The following RTTN variants were observed in gnomAD, a reference collection of about 807,000 sequenced individuals.
RTTN encodes rotatin.
RTTN carries 182 observed loss-of-function variants against 269.2 expected under a neutral mutation model. The observed-to-expected ratio is 0.68, with a 90% CI of 0.60 to 0.76. The LOEUF is 0.76. Ranked by LOEUF, RTTN falls within the 30% of genes least tolerant of loss-of-function variation. RTTN has a pLI of 0.00. For synonymous variants in RTTN, 1,006 were observed against 963.5 expected (o/e 1.04, Z -0.82); for missense variants, 2,545 against 2,608.6 (o/e 0.98, Z 0.53).
intron 28 of RTTN, 25 bp from the exon 29 acceptor site, chr18:70,092,829 C>G (rs1397449393): frequency 1.9e-6 from 3 of 1,588,678 alleles, no homozygotes; most frequent in Non-Finnish European, 2.6e-6. Context: ...TAAACAATTT[C>G]ATGGTGGCTT....
At chr18:70,075,628 A>C in intron 32 of RTTN, 87 bp from the exon 33 acceptor site, 1 of 1,079,418 alleles carries the variant, frequency 9.3e-7, no homozygotes, top group Non-Finnish European at 1.3e-6. Context: ...TCGAGGAAAC[A>C]AATGGGTCCC....
intron 43 of RTTN, among the ~76,000 whole-genome samples, chr18:70,027,592 C>T (rs1259994536): frequency 1.3e-5 from 2 of 152,082 alleles, no homozygotes; most frequent in Admixed American, 6.5e-5. Context: ...AATAAGGTGT[C>T]ATGAATGAAT....
At chr18:70,060,582 C>A (rs1054730363) in intron 35 of RTTN, among the ~76,000 whole-genome samples, 4 of 152,134 alleles carry the variant, frequency 2.6e-5, no homozygotes, top group Non-Finnish European at 2.9e-5. Flanking sequence ...TCCATCACCT[C>A]AAACATTTAC....
chr18:70,137,646 C>A (rs1312678939), intron 21 of RTTN, among the ~76,000 whole-genome samples: 2 of 152,122 alleles, frequency 1.3e-5, no homozygotes, highest in African/African-American at 4.8e-5. Flanking sequence ...TACACACAAC[C>A]ACGGCTCCAT....
chr18:70,054,142 T>G lies in RTTN; in HGVS notation c.5174A>C (p.Lys1725Thr), dbSNP rs200883952. 170 of 1,612,582 alleles carry G rather than the reference T, an allele frequency of 1.1e-4. No homozygotes were observed. The highest frequency in any genetic ancestry group is 1.4e-4 in the Non-Finnish European group (166 of 1,178,918). Reference protein sequence around the residue: ...NIIGILTICTKDVLDKELISA... With the variant: ...NIIGILTICTTDVLDKELISA... ...ACAATTAAGCTTACCTAATACATCTTTGGTACATATGGTGAGAATTCCAAT... is the reference window on the plus strand; with the variant it reads ...ACAATTAAGCTTACCTAATACATCTGTGGTACATATGGTGAGAATTCCAAT... The change falls in exon 38 of 49, where the codon AAA becomes ACA. Residue 1725 changes from lysine to threonine, a missense_variant. Transcript: ENST00000640769.
chr18:70,105,730 A>C (rs1390131145), intron 28 of RTTN, among the ~76,000 whole-genome samples: 1 of 152,154 alleles, frequency 6.6e-6, no homozygotes, highest in South Asian at 2.1e-4. Flanking sequence ...TAAAAACAAT[A>C]TGTGCTTTTG....
intron 11 of RTTN, among the ~76,000 whole-genome samples, chr18:70,176,188 GATGTAGATGTAGATGTATATGTAT>G (rs2061289618): frequency 2.2e-5 from 3 of 134,910 alleles, no homozygotes; most frequent in South Asian, 2.5e-4. Context: ...TGTATACGTA[GATGTAGATGTAGATGTATATGTAT>G]ATGTATATGT....
At chr18:70,039,943 T>C (rs539087335) in intron 40 of RTTN, among the ~76,000 whole-genome samples, 55 of 152,174 alleles carry the variant, frequency 3.6e-4, no homozygotes, top group Non-Finnish European at 7.1e-4. Context: ...GCAAGCCTCA[T>C]CATGGTAACC....
In RTTN at chr18:70,127,630, G is replaced by A. The variant is rs200170369; in HGVS notation, c.3255C>T (p.His1085=). 2.5e-6 allele frequency: 4 copies of A among 1,613,392 alleles called. No homozygotes were observed. The highest frequency in any genetic ancestry group is 2.5e-6 in the Non-Finnish European group (3 of 1,179,738). The part of the protein sequence containing the change: ...CLHSIVQAAT[H]REVRAAVTRM... ...TGGTGACAGCAGCCCTAACTTCCCT[G>A]TGGGTTGCAGCCTGAACAATGGAAT... Residue 1085 remains histidine (H), a synonymous_variant, in exon 25 of 49, where the codon CAC becomes CAT. Coordinates refer to ENST00000640769, the MANE Select transcript of RTTN (RefSeq NM_173630.4).
chr18:70,101,690 T>C (rs1463570807), intron 28 of RTTN, among the ~76,000 whole-genome samples: 1 of 152,238 alleles, frequency 6.6e-6, no homozygotes, highest in Non-Finnish European at 1.5e-5. Context: ...TTTAGATCTT[T>C]CCTGCTTTCT....
In RTTN at chr18:70,121,409, A is replaced by G. The variant is rs2059733950; in HGVS notation, c.3528+147T>C. The G allele has an allele frequency of 1.2e-5, 7 of 571,912 alleles. No homozygotes were observed. The South Asian group carries it at 2.0e-4, about 16-fold the overall frequency. The allele number at this position is 571,912 out of a possible 1,614,324, so 35.4% of individuals were successfully genotyped here. On this transcript the variant is annotated intron_variant, in intron 26 of 48. Transcript: ENST00000640769. The stretch of plus-strand genomic sequence containing the variant: ...CATTCACAATCGTATCAGGAAAGCC[A>G]TGTTGTTATGAGCCATTCATTACAT...
chr18:70,185,151 T>TA (rs568050429), intron 10 of RTTN, among the ~76,000 whole-genome samples: 23 of 145,940 alleles, frequency 1.6e-4, no homozygotes, highest in African/African-American at 4.3e-4. Flanking sequence ...TGTATACCCA[T>TA]AAAAAAAAAA....
intron 32 of RTTN, among the ~76,000 whole-genome samples, chr18:70,075,871 T>G (rs952609124): frequency 6.6e-6 from 1 of 152,144 alleles, no homozygotes; most frequent in Non-Finnish European, 1.5e-5. Context: ...AGCAGTATTT[T>G]TCAACCTACA....
At position 70,150,589 on chromosome 18, in the gene RTTN, C is replaced by T. The variant is rs1204483624; in HGVS notation, c.2055+19G>A. The T allele has an allele frequency of 1.2e-6, 2 of 1,608,664 alleles. 1 individual carries two copies. Among genetic ancestry groups the T allele is most frequent in the Non-Finnish European group, 1.7e-6 (2 of 1,175,822 alleles). On this transcript the variant is annotated intron_variant, in intron 15 of 48. Coordinates refer to ENST00000640769, the MANE Select transcript of RTTN (RefSeq NM_173630.4). ...TATCTAAGTTACTGTAATATTTTCA[C>T]TCATGTTTAATGTCATACCTCACTT... is the stretch of plus-strand genomic sequence containing the variant.
Position 70,122,168 on chromosome 18 carries a change from G to C in RTTN, c.3384-468C>G, listed in dbSNP as rs987613865. 4.6e-5 allele frequency among the ~76,000 whole-genome samples: 7 copies of C among 151,964 alleles called. No homozygotes were observed. The East Asian group carries it at 1.4e-3, about 29-fold the overall frequency. On this transcript the variant is annotated intron_variant, in intron 25 of 48. Transcript: ENST00000640769. ...AAGGACGCTACTAGAGTTTGTAACA[G>C]GCAAGGAAAACACTGAAGGTAGACT...
chr18:70,024,776 A>G lies in RTTN; in HGVS notation c.5896T>C (p.Leu1966=), dbSNP rs377700924. 3.3e-5 allele frequency: 54 copies of G among 1,613,902 alleles called. No homozygotes were observed. Among genetic ancestry groups the G allele is most frequent in the Non-Finnish European group, 4.2e-5 (50 of 1,179,890 alleles). ...AGGAGCTGCAGAGAAATTTGCATCA[A>G]TGAATCATCCATCAAAATCCAAGGC... ...LWPWILMDDS[L]MQISLQLLCV... is the part of the protein sequence containing the mutation. Residue 1966 remains leucine (L), a synonymous_variant, in exon 44 of 49, where the codon TTG becomes CTG. Coordinates refer to ENST00000640769, the MANE Select transcript of RTTN (RefSeq NM_173630.4).
At chr18:70,060,298 G>A (rs1441709476) in intron 35 of RTTN, among the ~76,000 whole-genome samples, 4 of 152,114 alleles carry the variant, frequency 2.6e-5, no homozygotes, top group Non-Finnish European at 4.4e-5. Flanking sequence ...AGAAGAGACA[G>A]GTCAGAAAGG....
In RTTN at chr18:70,176,684, A is replaced by G. The variant is rs1175628619; in HGVS notation, c.1467T>C (p.Pro489=). Residue 489 remains proline (P), a synonymous_variant, in exon 11 of 49, where the codon CCT becomes CCC. Coordinates refer to ENST00000640769, the MANE Select transcript of RTTN (RefSeq NM_173630.4). ...FAVRLLQTLL[P]VEKASEFLSE... ...GCATTGCCTGCCTTACCTTTTCAAC[A>G]GGGAGAAGCGTTTGTAGCAGTCGAA... 5.6e-6 allele frequency: 9 copies of G among 1,612,604 alleles called. No homozygotes were observed. The highest frequency in any genetic ancestry group is 5.3e-5 in the African/African-American group (4 of 74,890).
At chr18:70,140,330 A>T (rs1389672435) in intron 19 of RTTN, 142 bp from the exon 20 acceptor site, 1 of 561,022 alleles carries the variant, frequency 1.8e-6, no homozygotes, top group African/African-American at 2.0e-5. Context: ...AAGAGTATGA[A>T]ACTTTTAACT....
Sources: gnomAD v4.1 joint callset for allele counts (sites outside exome capture counted in the v4.1 genomes callset) on GRCh38, gnomAD v4.1.1 for gene constraint, MANE v1.5 for transcripts, NCBI Gene and HGNC (gene_info 2026-07-23, HGNC 2026-07-21) for gene names.